Variants in MLIP observed in about 807,000 individuals in gnomAD.
MLIP encodes muscular LMNA-interacting protein.
Under a neutral mutation model 84.8 loss-of-function variants are expected in MLIP, and 79 were observed. The observed-to-expected ratio is 0.93, with a 90% CI of 0.78 to 1.12. The LOEUF (loss-of-function observed/expected upper bound fraction) is 1.12, where lower values mean the gene tolerates loss of function less well. Ranked by LOEUF, MLIP falls within the 50% of genes most tolerant of loss-of-function variation. The pLI is 0.00. For missense variants in MLIP, 1,257 were observed against 1,160.6 expected (o/e 1.08, Z -1.21); for synonymous variants, 504 against 463.0 (o/e 1.09, Z -1.14).
chr6:54,181,775 C>T (rs571624202), intron 9 of MLIP, among the ~76,000 whole-genome samples: 27 of 152,288 alleles, frequency 1.8e-4, no homozygotes, highest in African/African-American at 6.0e-4. Context: ...AGCGGGTTCT[C>T]TTTTTGCCCA....
At position 54,137,465 on chromosome 6, in the gene MLIP, C is replaced by T. The variant is rs1406098203; in HGVS notation, c.1396C>T (p.Leu466Phe). ...KQTPPTPKKSLSSCSLRAGSP... is the reference protein window; with the variant it reads ...KQTPPTPKKSFSSCSLRAGSP... ...GACCCCACCCACGCCTAAAAAATCT[C>T]TCTCAAGTTGTTCCCTGAGAGCCGG... Residue 466 changes from leucine (L) to phenylalanine (F), a missense_variant, in exon 4 of 14, where the codon CTC becomes TTC. Leu to Phe is a conservative substitution (Grantham distance 22). Transcript: ENST00000502396. The T allele has an allele frequency of 1.3e-6, 2 of 1,535,972 alleles. No homozygotes were observed. The highest frequency in any genetic ancestry group is 1.7e-4 in the Middle Eastern group (1 of 6,010).
In MLIP at chr6:54,263,705, G is replaced by A. The variant is rs144736639; in HGVS notation, c.2977-2245G>A. Among the ~76,000 whole-genome samples the A allele has an allele frequency of 4.0e-3, 601 of 149,950 alleles. 3 individuals are homozygous for A. The highest frequency in any genetic ancestry group is 0.014 in the African/African-American group (567 of 39,784). The stretch of plus-strand genomic sequence containing the variant: ...GAAGAATATATTACCTATTACCCAA[G>A]GTTAACTCTGAATTTAAAAAAAAAC... On this transcript the variant is annotated intron_variant, in intron 13 of 13. Coordinates refer to ENST00000502396, the MANE Select transcript of MLIP (RefSeq NM_001281747.2).
intron 1 of MLIP, among the ~76,000 whole-genome samples, chr6:54,032,948 T>C (rs1208557755): frequency 6.6e-6 from 1 of 152,348 alleles, no homozygotes; most frequent in Middle Eastern, 3.4e-3. Flanking sequence ...TTTTTCTTAT[T>C]ACTCAGATTG....
At chr6:54,031,340 GAT>G (rs1764123550) in intron 1 of MLIP, 1 of 152,140 alleles carries the variant, frequency 6.6e-6, no homozygotes, top group African/African-American at 2.4e-5. Context: ...TCCGAGAGCA[GAT>G]TTATGGAAGC....
intron 8 of MLIP, among the ~76,000 whole-genome samples, chr6:54,168,301 A>T (rs900071145): frequency 6.6e-6 from 1 of 151,688 alleles, no homozygotes; most frequent in African/African-American, 2.4e-5. Context: ...CTCAACATTG[A>T]TCATCTAATT....
intron 11 of MLIP, chr6:54,215,256 C>T (rs1470645062): frequency 6.7e-7 from 1 of 1,496,338 alleles, no homozygotes; most frequent in African/African-American, 1.4e-5. Context: ...GACTTTCCTA[C>T]TTCCTGAAAA....
At chr6:54,050,903 T>C (rs1391603171) in intron 1 of MLIP, among the ~76,000 whole-genome samples, 1 of 152,164 alleles carries the variant, frequency 6.6e-6, no homozygotes, top group African/African-American at 2.4e-5. Flanking sequence ...AACTCACAGG[T>C]CCATCTGTGT....
At chr6:54,184,432 C>G (rs1032225226) in intron 9 of MLIP, among the ~76,000 whole-genome samples, 3 of 152,066 alleles carry the variant, frequency 2.0e-5, no homozygotes, top group African/African-American at 7.2e-5. Context: ...AGAGTGATGC[C>G]GACCAAAGGG....
At chr6:54,048,262 G>C (rs2150312994) in intron 1 of MLIP, among the ~76,000 whole-genome samples, 1 of 152,306 alleles carries the variant, frequency 6.6e-6, no homozygotes, top group African/African-American at 2.4e-5. Context: ...AAGGTTATCA[G>C]CATTCATAGT....
chr6:54,088,196 T>C (rs1308836740), intron 1 of MLIP, among the ~76,000 whole-genome samples: 1 of 152,194 alleles, frequency 6.6e-6, no homozygotes. Context: ...GAGAAACTTA[T>C]GCTTAGGTCT....
intron 1 of MLIP, among the ~76,000 whole-genome samples, chr6:54,087,128 T>C (rs1207631308): frequency 6.6e-6 from 1 of 152,224 alleles, no homozygotes; most frequent in Non-Finnish European, 1.5e-5. Context: ...TCAAGATTTT[T>C]TGAACAAACG....
chr6:54,251,489 A>T (rs1782483217), intron 12 of MLIP, among the ~76,000 whole-genome samples: 1 of 123,094 alleles, frequency 8.1e-6, no homozygotes, highest in South Asian at 2.2e-4. Flanking sequence ...TATGAGACAG[A>T]TAATAATTAT....
intron 11 of MLIP, among the ~76,000 whole-genome samples, chr6:54,230,031 T>C (rs1237215904): frequency 1.3e-5 from 2 of 152,200 alleles, no homozygotes; most frequent in African/African-American, 4.8e-5. Context: ...CTCATCGTTT[T>C]TCCATGTTGA....
intron 1 of MLIP, among the ~76,000 whole-genome samples, chr6:54,074,797 A>G (rs558906723): frequency 6.6e-6 from 1 of 152,298 alleles, no homozygotes; most frequent in South Asian, 2.1e-4. Flanking sequence ...GAAAATATGG[A>G]GCCTGCATGT....
intron 1 of MLIP, among the ~76,000 whole-genome samples, chr6:54,083,783 A>G (rs1767315416): frequency 6.6e-6 from 1 of 152,220 alleles, no homozygotes; most frequent in Non-Finnish European, 1.5e-5. Flanking sequence ...CAGATGTTAA[A>G]TTAGCTGTGG....
intron 10 of MLIP, among the ~76,000 whole-genome samples, chr6:54,197,268 A>T (rs149960509): frequency 6.6e-6 from 1 of 152,186 alleles, no homozygotes; most frequent in East Asian, 1.9e-4. Context: ...GAACTGACGG[A>T]CATCATTTAG....
intron 9 of MLIP, among the ~76,000 whole-genome samples, chr6:54,188,488 G>A (rs1777610096): frequency 1.3e-5 from 2 of 149,922 alleles, no homozygotes; most frequent in South Asian, 2.1e-4. Flanking sequence ...AGCTTTTTTT[G>A]TTAAACACCA....
chr6:54,136,062 T>A (rs948038108), intron 3 of MLIP, among the ~76,000 whole-genome samples: 1 of 152,214 alleles, frequency 6.6e-6, no homozygotes, highest in Admixed American at 6.5e-5. Flanking sequence ...GTTCATTATA[T>A]GTTCATGTTA....
intron 11 of MLIP, among the ~76,000 whole-genome samples, chr6:54,219,090 C>T (rs1017936812): frequency 2.1e-4 from 32 of 151,586 alleles, no homozygotes; most frequent in Non-Finnish European, 4.3e-4. Context: ...CCTGTAGTCC[C>T]AGCTACTCGG....
Sources: allele counts gnomAD v4.1 joint callset (sites outside exome capture counted in the v4.1 genomes callset), GRCh38; gene constraint gnomAD v4.1.1; transcripts MANE v1.5; gene names NCBI Gene and HGNC (gene_info 2026-07-23, HGNC 2026-07-21).